NLGN1: variants seen among roughly 807,000 people sequenced by gnomAD.
NLGN1 encodes neuroligin 1, also known as neuroligin-1.
Under a neutral mutation model 65.5 loss-of-function variants are expected in NLGN1, and 12 were observed. The ratio of observed to expected loss-of-function variants is 0.18; its 90% confidence interval spans 0.12 to 0.30. NLGN1 has a LOEUF of 0.30. Ranked by LOEUF, NLGN1 falls within the 10% of genes least tolerant of loss-of-function variation. NLGN1 has a pLI of 1.00. For missense variants in NLGN1, 750 were observed against 1,007.1 expected, an observed-to-expected ratio of 0.74 and a Z score of 3.46; for synonymous variants, 350 against 359.5, an observed-to-expected ratio of 0.97 and a Z score of 0.30.
intron 4 of NLGN1, among the ~76,000 whole-genome samples, chr3:174,133,001 C>T (rs1201116497): frequency 1.3e-5 from 2 of 152,200 alleles, no homozygotes; most frequent in Non-Finnish European, 2.9e-5. Context: ...ATTGATTCCA[C>T]CTCAGCCTCT....
intron 2 of NLGN1, among the ~76,000 whole-genome samples, chr3:173,522,702 C>T (rs752192765): frequency 3.2e-4 from 49 of 151,888 alleles, no homozygotes; most frequent in Admixed American, 3.0e-3. Flanking sequence ...CAAAGTGCTG[C>T]GATTACAGGT....
intron 4 of NLGN1, among the ~76,000 whole-genome samples, chr3:173,808,775 A>G (rs1338977167): frequency 6.6e-6 from 1 of 152,128 alleles, no homozygotes; most frequent in African/African-American, 2.4e-5. Flanking sequence ...TTGTTTATAC[A>G]CAAAGAAGCG....
At position 173,526,253 on chromosome 3, in the gene NLGN1, G is replaced by A. The variant is rs555645666; in HGVS notation, c.-320-78026G>A. 3.7e-4 allele frequency among the ~76,000 whole-genome samples: 56 copies of A among 152,046 alleles called. No homozygotes were observed. The South Asian group carries it at 7.7e-3, about 21-fold the overall frequency. On this transcript the variant is annotated intron_variant, in intron 2 of 6. Transcript: ENST00000457714. ...GGTTTGTAAACCTCGGTACTCCTAC[G>A]TTGGGAATATATATATTTATAGTTA...
At chr3:173,435,733 G>A (rs1718015811) in intron 2 of NLGN1, among the ~76,000 whole-genome samples, 1 of 152,094 alleles carries the variant, frequency 6.6e-6, no homozygotes, top group African/African-American at 2.4e-5. Context: ...TACTAAGGAG[G>A]CTGAGGCGGG....
chr3:173,439,913 GT>G (rs371354913), intron 2 of NLGN1, among the ~76,000 whole-genome samples: 138 of 152,218 alleles, frequency 9.1e-4, no homozygotes, highest in African/African-American at 3.2e-3. Context: ...CAGCAATGAA[GT>G]TTGCTGCATC....
intron 2 of NLGN1, among the ~76,000 whole-genome samples, chr3:173,566,075 C>T (rs535218643): frequency 4.6e-5 from 7 of 152,120 alleles, no homozygotes; most frequent in South Asian, 2.1e-4. Context: ...CCGGCCTATA[C>T]GGAGTGAGGT....
chr3:173,852,355 CAAAAAAAAAAAAAA>C (rs71162367), intron 4 of NLGN1, among the ~76,000 whole-genome samples: 9 of 46,662 alleles, frequency 1.9e-4, no homozygotes, highest in East Asian at 1.9e-3. Flanking sequence ...GACTCCGTCT[CAAAAAAAAAAAAAA>C]AAAAAAAAAA....
chr3:174,015,081 C>T (rs1044650670), intron 4 of NLGN1, among the ~76,000 whole-genome samples: 2 of 151,950 alleles, frequency 1.3e-5, no homozygotes, highest in Admixed American at 6.6e-5. Flanking sequence ...CTCAAAGTGG[C>T]GGTTTTATCT....
rs193174389 is a variant in NLGN1 at position 173,459,907 on chromosome 3, A to G, written c.-321+24829A>G. ...TATAAAGCTGTTATCAGGGGTTGTT[A>G]GGAATTTTTGAGCTTTTATTTAAAA... On this transcript the variant is annotated intron_variant, in intron 2 of 6. Coordinates refer to ENST00000457714, the Ensembl canonical transcript of NLGN1. 6.0e-3 allele frequency among the ~76,000 whole-genome samples: 914 copies of G among 152,174 alleles called. 13 individuals carry two copies. Among genetic ancestry groups the G allele is most frequent in the African/African-American group, 0.021 (883 of 41,544 alleles).
At chr3:173,498,405 A>C (rs1460860067) in intron 2 of NLGN1, among the ~76,000 whole-genome samples, 1 of 151,930 alleles carries the variant, frequency 6.6e-6, no homozygotes, top group Non-Finnish European at 1.5e-5. Context: ...ATGGCTGCAT[A>C]GTATTCCATG....
intron 1 of NLGN1, among the ~76,000 whole-genome samples, chr3:173,406,539 C>T (rs150113085): frequency 2.0e-5 from 3 of 146,482 alleles, no homozygotes. Flanking sequence ...ATATATATAT[C>T]AATATATATG....
At chr3:174,170,690 G>T (rs1728359436) in intron 4 of NLGN1, among the ~76,000 whole-genome samples, 1 of 152,098 alleles carries the variant, frequency 6.6e-6, no homozygotes, top group African/African-American at 2.4e-5. Context: ...TAAACATATG[G>T]CACTAGCTAA....
chr3:174,198,122 A>T (rs986771598), intron 4 of NLGN1, among the ~76,000 whole-genome samples: 1 of 152,196 alleles, frequency 6.6e-6, no homozygotes, highest in Non-Finnish European at 1.5e-5. Flanking sequence ...CATCTATAAT[A>T]TAATCATTCT....
At chr3:173,573,355 A>G (rs1328908140) in intron 2 of NLGN1, among the ~76,000 whole-genome samples, 2 of 152,112 alleles carry the variant, frequency 1.3e-5, no homozygotes, top group Non-Finnish European at 2.9e-5. Context: ...ATGAGAGTTG[A>G]TATTATTTTT....
At chr3:173,812,321 CTTAA>C (rs1201753125) in intron 4 of NLGN1, among the ~76,000 whole-genome samples, 5 of 152,050 alleles carry the variant, frequency 3.3e-5, no homozygotes, top group African/African-American at 4.8e-5. Context: ...TAATGAACAC[CTTAA>C]TTTATTTTTA....
At chr3:173,498,270 G>T (rs1351669887) in intron 2 of NLGN1, among the ~76,000 whole-genome samples, 1 of 149,882 alleles carries the variant, frequency 6.7e-6, no homozygotes, top group African/African-American at 2.5e-5. Context: ...TGTTCTCATT[G>T]TTCAATTCCC....
At chr3:173,794,247 T>G (rs1056806828) in intron 3 of NLGN1, among the ~76,000 whole-genome samples, 5 of 152,282 alleles carry the variant, frequency 3.3e-5, no homozygotes, top group Non-Finnish European at 4.4e-5. Flanking sequence ...TCCTTGACAC[T>G]TATCACAATT....
chr3:174,064,769 A>G (rs527428011), intron 4 of NLGN1, among the ~76,000 whole-genome samples: 7 of 150,842 alleles, frequency 4.6e-5, no homozygotes, highest in East Asian at 1.9e-4. Flanking sequence ...TAAAAGAAAT[A>G]GTTCCTGAAG....
At chr3:173,749,510 G>A (rs983185966) in intron 3 of NLGN1, among the ~76,000 whole-genome samples, 1 of 151,984 alleles carries the variant, frequency 6.6e-6, no homozygotes, top group Admixed American at 6.6e-5. Flanking sequence ...AATCAATCTA[G>A]ACAAATGGCT....
Sources: allele counts gnomAD v4.1 joint callset (sites outside exome capture counted in the v4.1 genomes callset), GRCh38; gene constraint gnomAD v4.1.1; transcripts MANE v1.5; gene names NCBI Gene and HGNC (gene_info 2026-07-23, HGNC 2026-07-21).